CADM2: variants seen among roughly 807,000 people sequenced by gnomAD.
CADM2 encodes the protein cell adhesion molecule 2.
CADM2 carries 12 observed loss-of-function variants against 49.8 expected under a neutral mutation model. The observed-to-expected ratio is 0.24, with a 90% CI of 0.15 to 0.39. The LOEUF (loss-of-function observed/expected upper bound fraction) is 0.39, where lower values mean the gene tolerates loss of function less well. Ranked by LOEUF, CADM2 falls within the 10% of genes least tolerant of loss-of-function variation. CADM2 has a pLI of 1.00. For synonymous variants in CADM2, 214 were observed against 175.4 expected, an observed-to-expected ratio of 1.22 and a Z score of -1.74; for missense variants, 378 against 492.3, an observed-to-expected ratio of 0.77 and a Z score of 2.20.
chr3:85,326,486 TC>T (rs1275069167), intron 1 of CADM2, among the ~76,000 whole-genome samples: 1 of 152,168 alleles, frequency 6.6e-6, no homozygotes, highest in Non-Finnish European at 1.5e-5. Flanking sequence ...ACTATTTTTT[TC>T]CATTAACACA....
At chr3:85,735,165 A>T (rs1016713882) in intron 2 of CADM2, among the ~76,000 whole-genome samples, 4 of 152,144 alleles carry the variant, frequency 2.6e-5, no homozygotes, top group Non-Finnish European at 4.4e-5. Context: ...AGTATCCATT[A>T]TGAAGAATAA....
At chr3:85,109,488 A>T (rs553492516) in intron 1 of CADM2, among the ~76,000 whole-genome samples, 1 of 152,054 alleles carries the variant, frequency 6.6e-6, no homozygotes, top group Admixed American at 6.6e-5. Flanking sequence ...TTCAGTTTTT[A>T]AATTCTCAGC....
chr3:85,431,287 G>A (rs1048607899), intron 1 of CADM2, among the ~76,000 whole-genome samples: 5 of 152,058 alleles, frequency 3.3e-5, no homozygotes, highest in Non-Finnish European at 7.4e-5. Context: ...ATACATTTTT[G>A]AGAACACATA....
At chr3:85,256,937 G>C (rs1457455875) in intron 1 of CADM2, among the ~76,000 whole-genome samples, 3 of 152,070 alleles carry the variant, frequency 2.0e-5, no homozygotes, top group African/African-American at 7.2e-5. Context: ...TTTCTGAAAT[G>C]TATTTTATTT....
intron 8 of CADM2, among the ~76,000 whole-genome samples, chr3:86,037,598 T>G (rs1284782372): frequency 6.6e-6 from 1 of 152,106 alleles, no homozygotes; most frequent in Non-Finnish European, 1.5e-5. Flanking sequence ...ACCTATAACA[T>G]ATGAGCACAC....
At position 85,312,645 on chromosome 3, in the gene CADM2, C is replaced by T. The variant is rs534178117; in HGVS notation, c.61+352977C>T. Among the ~76,000 whole-genome samples, 15 of 152,086 alleles carry T rather than the reference C, an allele frequency of 9.9e-5. No individual in the cohort carries two copies. The South Asian group carries it at 1.2e-3, about 13-fold the overall frequency. ...TTTCCAAGTTTACTTTGTTAATACT[C>T]ACTATAAAAATCTAACAGAAGGCTT... On this transcript the variant is annotated intron_variant, in intron 1 of 9. Transcript: ENST00000383699.
chr3:85,699,347 G>A (rs1397514443), intron 1 of CADM2, among the ~76,000 whole-genome samples: 1 of 152,160 alleles, frequency 6.6e-6, no homozygotes, highest in Non-Finnish European at 1.5e-5. Context: ...GCCATAATGG[G>A]GATTCTGTGT....
chr3:85,031,599 C>T (rs1368523762), intron 1 of CADM2, among the ~76,000 whole-genome samples: 1 of 152,148 alleles, frequency 6.6e-6, no homozygotes, highest in Non-Finnish European at 1.5e-5. Context: ...ACTGCAAGCT[C>T]CGCCTCCCGG....
intron 3 of CADM2, among the ~76,000 whole-genome samples, chr3:85,853,699 T>C (rs2075196822): frequency 6.6e-6 from 1 of 151,832 alleles, no homozygotes; most frequent in East Asian, 1.9e-4. Flanking sequence ...ACTTGTGTAA[T>C]TGTTTAAGAG....
At chr3:85,846,453 C>T (rs1307757600) in intron 3 of CADM2, among the ~76,000 whole-genome samples, 1 of 151,962 alleles carries the variant, frequency 6.6e-6, no homozygotes, top group Non-Finnish European at 1.5e-5. Context: ...TCCAAGTTGG[C>T]GATATCTAGA....
At chr3:85,449,774 A>G (rs2037669994) in intron 1 of CADM2, among the ~76,000 whole-genome samples, 1 of 152,202 alleles carries the variant, frequency 6.6e-6, no homozygotes, top group Admixed American at 6.5e-5. Flanking sequence ...CAAATAATCT[A>G]GATTTCTTAT....
At chr3:85,363,899 C>G (rs2032548792) in intron 1 of CADM2, among the ~76,000 whole-genome samples, 2 of 152,328 alleles carry the variant, frequency 1.3e-5, no homozygotes, top group South Asian at 4.1e-4. Context: ...GCGTGAGCCA[C>G]CGCGCCCGGC....
At chr3:85,646,462 G>T (rs898315017) in intron 1 of CADM2, among the ~76,000 whole-genome samples, 1 of 151,936 alleles carries the variant, frequency 6.6e-6, no homozygotes, top group Admixed American at 6.6e-5. Flanking sequence ...GTATTCTGGT[G>T]CAATAGAACA....
intron 1 of CADM2, among the ~76,000 whole-genome samples, chr3:85,248,657 G>T (rs1190491088): frequency 2.0e-5 from 3 of 152,292 alleles, no homozygotes; most frequent in South Asian, 2.1e-4. Flanking sequence ...ATGTCACTGT[G>T]ATAGGTTGTG....
intron 1 of CADM2, among the ~76,000 whole-genome samples, chr3:84,999,914 T>C (rs1383339651): frequency 6.6e-6 from 1 of 152,106 alleles, no homozygotes; most frequent in Non-Finnish European, 1.5e-5. Context: ...TTATATAATT[T>C]TAGAGTTGGA....
rs760951924 is a variant in CADM2, at chr3:85,489,755, TGTGA to T, written c.62-236765_62-236762del. On this transcript the variant is annotated intron_variant, in intron 1 of 9. Transcript: ENST00000383699. ...AAAAATTATTTAACGTGTGTGTGTG[TGTGA>T]GAGAGAGAGAGAGAGAGAAATTATT... is the stretch of plus-strand genomic sequence containing the variant. 6.4e-3 allele frequency among the ~76,000 whole-genome samples: 950 copies of T among 148,160 alleles called. 13 individuals are homozygous for T. The highest frequency in any genetic ancestry group is 5.9e-3 in the Non-Finnish European group (397 of 66,830).
chr3:84,971,343 G>A (rs2031417523), intron 1 of CADM2, among the ~76,000 whole-genome samples: 1 of 152,110 alleles, frequency 6.6e-6, no homozygotes, highest in Admixed American at 6.6e-5. Flanking sequence ...TGAAAAAGAA[G>A]TTGTATGTTC....
intron 1 of CADM2, among the ~76,000 whole-genome samples, chr3:85,712,676 T>C (rs1478521710): frequency 6.6e-6 from 1 of 152,160 alleles, no homozygotes; most frequent in Non-Finnish European, 1.5e-5. Flanking sequence ...ATAATTGTAA[T>C]AATGCCTCAG....
chr3:85,489,109 TCA>T (rs1319519388), intron 1 of CADM2, among the ~76,000 whole-genome samples: 1 of 152,184 alleles, frequency 6.6e-6, no homozygotes, highest in Non-Finnish European at 1.5e-5. Flanking sequence ...TATTGTTATT[TCA>T]GAGTAATTGA....
Sources: allele counts gnomAD v4.1 joint callset (sites outside exome capture counted in the v4.1 genomes callset), GRCh38; gene constraint gnomAD v4.1.1; transcripts MANE v1.5; gene names NCBI Gene and HGNC (gene_info 2026-07-23, HGNC 2026-07-21).